Variants in ANKRD55 observed in about 807,000 individuals in gnomAD.
The protein encoded by ANKRD55 is ankyrin repeat domain-containing protein 55.
Under a neutral mutation model 60.6 loss-of-function variants are expected in ANKRD55, and 41 were observed. The observed-to-expected ratio is 0.68, with a 90% CI of 0.53 to 0.88. The LOEUF (loss-of-function observed/expected upper bound fraction) is 0.88, where lower values mean the gene tolerates loss of function less well. Ranked by LOEUF, ANKRD55 falls within the 40% of genes least tolerant of loss-of-function variation. The pLI is 0.00. For missense variants in ANKRD55, 732 were observed against 767.6 expected (o/e 0.95, Z 0.55); for synonymous variants, 264 against 290.3 (o/e 0.91, Z 0.92).
intron 2 of ANKRD55, among the ~76,000 whole-genome samples, chr5:56,224,286 T>C (rs966714165): frequency 3.3e-5 from 5 of 151,234 alleles, no homozygotes; most frequent in African/African-American, 1.2e-4. Context: ...TCTTTGAAAC[T>C]GATGAGAACA....
chr5:56,152,945 A>C (rs1240872668), intron 6 of ANKRD55, among the ~76,000 whole-genome samples: 1 of 152,208 alleles, frequency 6.6e-6, no homozygotes, highest in Non-Finnish European at 1.5e-5. Context: ...GATCATTTTA[A>C]TTATATCAGA....
chr5:56,138,194 C>A (rs1757663705), intron 7 of ANKRD55, among the ~76,000 whole-genome samples: 1 of 143,614 alleles, frequency 7.0e-6, no homozygotes, highest in Non-Finnish European at 1.5e-5. Context: ...ATGGCGCAAT[C>A]TTGGCTCACT....
chr5:56,232,101 TA>T lies in ANKRD55; in HGVS notation c.58+754del, dbSNP rs1281825382. ...TAAAATGGAAATTTCATGTTTATACTAAAAAAAGATTTACTATTACACATAA... is the reference window on the plus strand; with the variant it reads ...TAAAATGGAAATTTCATGTTTATACTAAAAAAGATTTACTATTACACATAA... On this transcript the variant is annotated intron_variant, in intron 2 of 11. Coordinates refer to ENST00000341048, the MANE Select transcript of ANKRD55 (RefSeq NM_024669.3). Among the ~76,000 whole-genome samples the T allele has an allele frequency of 4.6e-5, 7 of 152,272 alleles. No individual in the cohort carries two copies. The East Asian group carries it at 1.2e-3, about 25-fold the overall frequency.
chr5:56,204,065 A>G (rs1759443753), intron 2 of ANKRD55, among the ~76,000 whole-genome samples: 1 of 152,022 alleles, frequency 6.6e-6, no homozygotes, highest in South Asian at 2.1e-4. Context: ...TTTGATTTGC[A>G]TTTCTCTGAT....
chr5:56,107,979 C>A (rs570422776), intron 10 of ANKRD55, among the ~76,000 whole-genome samples: 1 of 152,028 alleles, frequency 6.6e-6, no homozygotes, highest in South Asian at 2.1e-4. Flanking sequence ...AAGTGATCCT[C>A]CCGTCTCAGC....
chr5:56,164,328 T>C (rs1758399852), intron 5 of ANKRD55, among the ~76,000 whole-genome samples: 1 of 151,688 alleles, frequency 6.6e-6, no homozygotes, highest in South Asian at 2.1e-4. Context: ...TGGGAAAAAA[T>C]GGTCCCACAA....
chr5:56,176,367 T>C, intron 3 of ANKRD55, 85 bp from the exon 4 acceptor site: 1 of 1,540,936 alleles, frequency 6.5e-7, no homozygotes, highest in Non-Finnish European at 8.9e-7. Context: ...TCATTTATTT[T>C]GCTATTTGCA....
At chr5:56,110,144 C>T (rs958857550) in intron 10 of ANKRD55, among the ~76,000 whole-genome samples, 7 of 151,352 alleles carry the variant, frequency 4.6e-5, no homozygotes, top group African/African-American at 1.5e-4. Context: ...TGCCTATAAT[C>T]TCAGCACTTT....
intron 7 of ANKRD55, among the ~76,000 whole-genome samples, chr5:56,134,868 G>A (rs1757517302): frequency 6.6e-6 from 1 of 152,074 alleles, no homozygotes; most frequent in Non-Finnish European, 1.5e-5. Context: ...TTAGTGAATA[G>A]AATCTAGCAA....
intron 2 of ANKRD55, among the ~76,000 whole-genome samples, chr5:56,187,549 A>ACTGCTGTTTG (rs1353282077): frequency 6.1e-4 from 92 of 151,982 alleles, no homozygotes; most frequent in Admixed American, 1.6e-3. Flanking sequence ...ACTGTCCACC[A>ACTGCTGTTTG]CTGCTGTTTG....
intron 9 of ANKRD55, among the ~76,000 whole-genome samples, chr5:56,112,453 T>C (rs914218265): frequency 2.2e-5 from 3 of 133,928 alleles, no homozygotes; most frequent in African/African-American, 5.9e-5. Flanking sequence ...GATCACTTGA[T>C]GTCAAGAGTT....
intron 6 of ANKRD55, among the ~76,000 whole-genome samples, chr5:56,148,806 T>TGGTTTGCTCCCCGTCTTGGTTGGCGGTTC (rs1757962917): frequency 1.3e-5 from 2 of 151,796 alleles, no homozygotes; most frequent in Non-Finnish European, 2.9e-5. Context: ...GCTGGGTGCT[T>TGGTTTGCTCCCCGTCTTGGTTGGCGGTTC]GGTTTGTTCC....
chr5:56,172,136 A>AG (rs1466899187), intron 4 of ANKRD55, among the ~76,000 whole-genome samples: 1 of 150,138 alleles, frequency 6.7e-6, no homozygotes, highest in Non-Finnish European at 1.5e-5. Flanking sequence ...AAAAAAAAAA[A>AG]TCAAAATGTT....
At chr5:56,203,098 G>A (rs1304991863) in intron 2 of ANKRD55, among the ~76,000 whole-genome samples, 1 of 152,072 alleles carries the variant, frequency 6.6e-6, no homozygotes, top group Non-Finnish European at 1.5e-5. Flanking sequence ...CACCCACTGG[G>A]GTTTTGTGGA....
chr5:56,150,691 A>G (rs568530012), intron 6 of ANKRD55, among the ~76,000 whole-genome samples: 47 of 152,300 alleles, frequency 3.1e-4, no homozygotes, highest in South Asian at 1.0e-3. Flanking sequence ...TGAGGTCAGG[A>G]GTTCGAGACC....
At chr5:56,139,973 T>C (rs1757713632) in intron 7 of ANKRD55, among the ~76,000 whole-genome samples, 1 of 152,062 alleles carries the variant, frequency 6.6e-6, no homozygotes, top group Non-Finnish European at 1.5e-5. Flanking sequence ...GGAGGCCGAG[T>C]GGTAGAATTG....
At chr5:56,204,257 T>C (rs1192987232) in intron 2 of ANKRD55, among the ~76,000 whole-genome samples, 1 of 152,216 alleles carries the variant, frequency 6.6e-6, no homozygotes, top group African/African-American at 2.4e-5. Flanking sequence ...TGCAAAAATT[T>C]TCTCCCATTT....
At chr5:56,187,139 A>C (rs1758990865) in intron 2 of ANKRD55, among the ~76,000 whole-genome samples, 7 of 152,242 alleles carry the variant, frequency 4.6e-5, no homozygotes, top group Admixed American at 4.6e-4. Context: ...GATAGTATTT[A>C]ATAGAGCTAA....
chr5:56,193,557 T>A, intron 2 of ANKRD55: 1 of 376,926 alleles, frequency 2.7e-6, no homozygotes, highest in Non-Finnish European at 5.0e-6. Context: ...GATATCAAGC[T>A]ACCTTACCTG....
Sources: allele counts gnomAD v4.1 joint callset (sites outside exome capture counted in the v4.1 genomes callset), GRCh38; gene constraint gnomAD v4.1.1; transcripts MANE v1.5; gene names NCBI Gene and HGNC (gene_info 2026-07-23, HGNC 2026-07-21).